Variants in GPC5 observed in about 807,000 individuals in gnomAD.
GPC5 encodes the protein glypican 5.
GPC5 carries 47 observed loss-of-function variants against 53.9 expected under a neutral mutation model. That is an observed-to-expected ratio of 0.87 (90% CI 0.69 to 1.11). The LOEUF is 1.11. Ranked by LOEUF, GPC5 falls within the 50% of genes most tolerant of loss-of-function variation. The pLI is 0.00. For missense variants in GPC5, 748 were observed against 713.1 expected, an observed-to-expected ratio of 1.05 and a Z score of -0.56; for synonymous variants, 286 against 263.3, an observed-to-expected ratio of 1.09 and a Z score of -0.84.
intron 6 of GPC5, among the ~76,000 whole-genome samples, chr13:92,066,725 C>T (rs1299936921): frequency 6.6e-6 from 1 of 152,036 alleles, no homozygotes; most frequent in Non-Finnish European, 1.5e-5. Flanking sequence ...AGAATACTAT[C>T]AAGATATTTT....
At position 92,300,181 on chromosome 13, in the gene GPC5, T is replaced by C. The variant is rs549390919; in HGVS notation, c.1561+155192T>C. 2.6e-5 allele frequency among the ~76,000 whole-genome samples: 4 copies of C among 152,300 alleles called. No homozygotes were observed. The South Asian group carries it at 6.2e-4, about 24-fold the overall frequency. On this transcript the variant is annotated intron_variant, in intron 7 of 7. Transcript: ENST00000377067. Reference sequence around the variant, plus strand: ...TAGAACAATGGATATTGTCTCGGAATGTTGTCGTGAGGGTAAACACATACA... The same window carrying C: ...TAGAACAATGGATATTGTCTCGGAACGTTGTCGTGAGGGTAAACACATACA...
At chr13:92,581,676 CAACA>C (rs1883375549) in intron 7 of GPC5, among the ~76,000 whole-genome samples, 1 of 152,094 alleles carries the variant, frequency 6.6e-6, no homozygotes, top group Non-Finnish European at 1.5e-5. Context: ...CTCTACATTC[CAACA>C]AACAGTTAAA....
chr13:91,466,122 T>C (rs1882222717), intron 2 of GPC5, among the ~76,000 whole-genome samples: 1 of 152,168 alleles, frequency 6.6e-6, no homozygotes, highest in Non-Finnish European at 1.5e-5. Context: ...AAGGAGCAGA[T>C]GTCCCTGAGA....
At chr13:91,831,058 TTA>T (rs1465811666) in intron 5 of GPC5, among the ~76,000 whole-genome samples, 1 of 140,008 alleles carries the variant, frequency 7.1e-6, no homozygotes, top group African/African-American at 2.6e-5. Flanking sequence ...TATATCCTAT[TTA>T]TATATATCCT....
chr13:92,066,476 A>C (rs1243692662), intron 6 of GPC5, among the ~76,000 whole-genome samples: 1 of 151,460 alleles, frequency 6.6e-6, no homozygotes, highest in African/African-American at 2.4e-5. Context: ...GACTTCTTAA[A>C]GTCCTCAGCT....
chr13:91,999,654 G>GA (rs1159813027), intron 6 of GPC5, among the ~76,000 whole-genome samples: 1 of 152,128 alleles, frequency 6.6e-6, no homozygotes, highest in Non-Finnish European at 1.5e-5. Context: ...CATTTGCTGT[G>GA]AAAATCTCAT....
At chr13:92,441,120 G>C (rs970174233) in intron 7 of GPC5, among the ~76,000 whole-genome samples, 22 of 152,014 alleles carry the variant, frequency 1.4e-4, no homozygotes, top group South Asian at 2.1e-4. Flanking sequence ...GACCCCGGCT[G>C]GGGTGCAGTG....
intron 1 of GPC5, among the ~76,000 whole-genome samples, chr13:91,438,522 G>A (rs542566117): frequency 6.6e-6 from 1 of 152,208 alleles, no homozygotes; most frequent in African/African-American, 2.4e-5. Context: ...TCCTCTGGAA[G>A]TTTTGTCTCA....
chr13:92,326,595 G>A (rs1416620966), intron 7 of GPC5, among the ~76,000 whole-genome samples: 3 of 152,018 alleles, frequency 2.0e-5, no homozygotes, highest in African/African-American at 7.2e-5. Flanking sequence ...TCTGCAAGTT[G>A]GCAAACTATA....
At chr13:92,748,540 C>G (rs1889299808) in intron 7 of GPC5, among the ~76,000 whole-genome samples, 1 of 151,810 alleles carries the variant, frequency 6.6e-6, no homozygotes, top group African/African-American at 2.4e-5. Flanking sequence ...CCAGGCTGGT[C>G]TTGAACTCCT....
chr13:92,291,594 G>T (rs573469544), intron 7 of GPC5, among the ~76,000 whole-genome samples: 4 of 152,214 alleles, frequency 2.6e-5, no homozygotes, highest in Admixed American at 2.0e-4. Context: ...ATGTGGGTGG[G>T]GCCAAATAAG....
intron 5 of GPC5, among the ~76,000 whole-genome samples, chr13:91,873,077 G>A (rs1274413726): frequency 6.6e-6 from 1 of 152,112 alleles, no homozygotes; most frequent in Non-Finnish European, 1.5e-5. Flanking sequence ...CATTTAAAAT[G>A]TTTATTTTAT....
In GPC5 at chr13:92,450,635, A is replaced by G. The variant is rs1411314905; in HGVS notation, c.1561+305646A>G. Among the ~76,000 whole-genome samples the G allele has an allele frequency of 2.0e-5, 3 of 152,334 alleles. No homozygotes were observed. In the East Asian group the frequency reaches 5.8e-4, roughly 29 times the overall value. ...ATGCTTAGAAGCTGCAGGCTGGTTGATGTTATAACCTATAAGGTGACAGAG... is the reference window on the plus strand; with the variant it reads ...ATGCTTAGAAGCTGCAGGCTGGTTGGTGTTATAACCTATAAGGTGACAGAG... On this transcript the variant is annotated intron_variant, in intron 7 of 7. Coordinates refer to ENST00000377067, the MANE Select transcript of GPC5 (RefSeq NM_004466.6).
At chr13:92,157,380 T>A (rs75602030) in intron 7 of GPC5, among the ~76,000 whole-genome samples, 1,830 of 152,256 alleles carry the variant, frequency 0.012, 53 homozygotes, top group African/African-American at 0.041. Context: ...AGGAGTGAGC[T>A]TGGTCAATGT....
chr13:92,340,352 C>T (rs1235625055), intron 7 of GPC5: 4 of 152,084 alleles, frequency 2.6e-5, no homozygotes, highest in African/African-American at 9.7e-5. Context: ...GCAATCAAAT[C>T]CTAGAGTGTC....
intron 7 of GPC5, among the ~76,000 whole-genome samples, chr13:92,563,103 T>C (rs1882748648): frequency 6.6e-6 from 1 of 152,012 alleles, no homozygotes; most frequent in South Asian, 2.1e-4. Flanking sequence ...CAGTCTTAAA[T>C]TCCTAAAGAC....
At chr13:91,421,007 C>T (rs1163415719) in intron 1 of GPC5, among the ~76,000 whole-genome samples, 1 of 152,162 alleles carries the variant, frequency 6.6e-6, no homozygotes, top group Non-Finnish European at 1.5e-5. Flanking sequence ...ATGTTGGCAT[C>T]TTTTGGTGTC....
chr13:92,755,835 T>A (rs1489143581), intron 7 of GPC5, among the ~76,000 whole-genome samples: 6 of 143,504 alleles, frequency 4.2e-5, no homozygotes, highest in Admixed American at 1.4e-4. Context: ...GTGGCAATAA[T>A]CAATAGCTTA....
At chr13:92,185,940 C>T (rs1189266923) in intron 7 of GPC5, among the ~76,000 whole-genome samples, 2 of 151,990 alleles carry the variant, frequency 1.3e-5, no homozygotes, top group South Asian at 2.1e-4. Flanking sequence ...ATACTGAATG[C>T]TAAGAGTGAG....
Sources: allele counts gnomAD v4.1 joint callset (sites outside exome capture counted in the v4.1 genomes callset), GRCh38; gene constraint gnomAD v4.1.1; transcripts MANE v1.5; gene names NCBI Gene and HGNC (gene_info 2026-07-23, HGNC 2026-07-21).